CMSS1: variants seen among roughly 807,000 people sequenced by gnomAD.
CMSS1 encodes cms1 ribosomal small subunit homolog.
CMSS1 carries 33 observed loss-of-function variants against 43.5 expected under a neutral mutation model. The observed-to-expected ratio is 0.76, with a 90% confidence interval of 0.57 to 1.01. The LOEUF is 1.01. CMSS1 is among the 50% of genes least tolerant of loss of function. The pLI, the probability that CMSS1 is intolerant of heterozygous loss-of-function variation, is 0.00. For missense variants in CMSS1, 313 were observed against 326.4 expected, an observed-to-expected ratio of 0.96 and a Z score of 0.32; for synonymous variants, 115 against 117.2, an observed-to-expected ratio of 0.98 and a Z score of 0.12.
rs551943817 is a variant in CMSS1, at chr3:99,961,489, A to G, written c.64+143446A>G. 1.8e-4 allele frequency among the ~76,000 whole-genome samples: 27 copies of G among 152,270 alleles called. No individual in the cohort carries two copies. The South Asian group carries it at 3.7e-3, about 21-fold the overall frequency. On this transcript the variant is annotated intron_variant, in intron 1 of 9. Coordinates refer to ENST00000421999, the MANE Select transcript of CMSS1 (RefSeq NM_032359.4). Reference sequence around the variant, plus strand: ...CAGAATCTTAACTTTGCAAGGAGACAGGCATTATGTAGTTCATTTTGCCAG... The same window carrying G: ...CAGAATCTTAACTTTGCAAGGAGACGGGCATTATGTAGTTCATTTTGCCAG...
At chr3:99,824,460 TTTTG>T (rs1319382448) in intron 1 of CMSS1, among the ~76,000 whole-genome samples, 1 of 152,240 alleles carries the variant, frequency 6.6e-6, no homozygotes, top group Admixed American at 6.5e-5. Flanking sequence ...TGAGCAGGTA[TTTTG>T]TTTGTCTTGT....
At chr3:99,954,225 A>G (rs1408369324) in intron 1 of CMSS1, among the ~76,000 whole-genome samples, 1 of 152,242 alleles carries the variant, frequency 6.6e-6, no homozygotes, top group Non-Finnish European at 1.5e-5. Flanking sequence ...TCACATAGCT[A>G]AGAAATAGTA....
Position 100,025,807 on chromosome 3 carries a change from G to A in CMSS1, c.65-121166G>A, listed in dbSNP as rs114416525. ...GAGTTTGAGAAGCTCTGCTGTAGTC[G>A]ACCTCCATTTTTTGTTGGTAAGCCC... On this transcript the variant is annotated intron_variant, in intron 1 of 9. Transcript: ENST00000421999. Among the ~76,000 whole-genome samples, 1,089 of 152,156 alleles carry A rather than the reference G, an allele frequency of 7.2e-3. 10 individuals are homozygous for A. Among genetic ancestry groups the A allele is most frequent in the Non-Finnish European group, 0.012 (824 of 68,004 alleles).
intron 1 of CMSS1, among the ~76,000 whole-genome samples, chr3:99,991,702 G>C (rs1709515354): frequency 1.3e-5 from 2 of 151,838 alleles, no homozygotes; most frequent in Admixed American, 6.6e-5. Context: ...AGAACATGCT[G>C]TATTTGACTG....
chr3:99,817,995 G>A lies in CMSS1; in HGVS notation c.16G>A (p.Gly6Arg). The A allele has an allele frequency of 6.2e-7, 1 of 1,614,026 alleles. No individual in the cohort carries two copies. ...CTGAGCTGAAATGGCAGACGATCTC[G>A]GAGACGAGTGGTGGGAGAACCAGCC... MADDL[G>R]DEWWENQPTG... The change falls in exon 1 of 10, where the codon GGA becomes AGA. Residue 6 changes from glycine to arginine, a missense_variant. Transcript: ENST00000421999.
chr3:99,914,835 T>G (rs976702449), intron 1 of CMSS1, among the ~76,000 whole-genome samples: 1 of 152,236 alleles, frequency 6.6e-6, no homozygotes, highest in Non-Finnish European at 1.5e-5. Context: ...GAGAATTTGC[T>G]AAATAAGTTG....
intron 1 of CMSS1, among the ~76,000 whole-genome samples, chr3:100,013,995 C>T (rs567178450): frequency 6.6e-6 from 1 of 152,166 alleles, no homozygotes; most frequent in African/African-American, 2.4e-5. Flanking sequence ...CCCCTTGCTC[C>T]TGGCAACTGC....
chr3:99,993,058 T>G (rs1249515875), intron 1 of CMSS1, among the ~76,000 whole-genome samples: 1 of 152,048 alleles, frequency 6.6e-6, no homozygotes, highest in Non-Finnish European at 1.5e-5. Context: ...GTTATTTTGG[T>G]TGCTATAGTC....
chr3:100,115,082 T>A, intron 1 of CMSS1: 1 of 930,506 alleles, frequency 1.1e-6, no homozygotes, highest in Non-Finnish European at 1.7e-6. Context: ...TGCTAAAATT[T>A]GAAGCATCTA....
chr3:100,147,902 A>G (rs1576104547), intron 2 of CMSS1, among the ~76,000 whole-genome samples: 1 of 152,244 alleles, frequency 6.6e-6, no homozygotes, highest in Non-Finnish European at 1.5e-5. Flanking sequence ...TGCCTTTTTA[A>G]TCTTCCTACT....
At chr3:99,912,451 A>G (rs1176983636) in intron 1 of CMSS1, among the ~76,000 whole-genome samples, 2 of 152,066 alleles carry the variant, frequency 1.3e-5, no homozygotes, top group Admixed American at 1.3e-4. Context: ...ATCTCGGCTT[A>G]CTGCAGCCTT....
chr3:100,136,698 T>C (rs2066755603), intron 1 of CMSS1, among the ~76,000 whole-genome samples: 1 of 152,118 alleles, frequency 6.6e-6, no homozygotes, highest in African/African-American at 2.4e-5. Flanking sequence ...GAGATTTTGA[T>C]GGAAAAGGAA....
At chr3:100,109,564 T>G (rs1171202621) in intron 1 of CMSS1, among the ~76,000 whole-genome samples, 2 of 152,176 alleles carry the variant, frequency 1.3e-5, no homozygotes, top group Non-Finnish European at 2.9e-5. Context: ...CACAATGTTG[T>G]ATAAATGAAC....
chr3:99,877,891 A>G (rs973885608), intron 1 of CMSS1, among the ~76,000 whole-genome samples: 1 of 152,208 alleles, frequency 6.6e-6, no homozygotes, highest in African/African-American at 2.4e-5. Context: ...CTTGTTTTGC[A>G]TCTTTTTCCC....
chr3:100,177,250 G>C (rs766771290), intron 9 of CMSS1, among the ~76,000 whole-genome samples: 13 of 152,120 alleles, frequency 8.5e-5, no homozygotes, highest in Non-Finnish European at 1.9e-4. Flanking sequence ...CATCAGTTCA[G>C]GTTAAAAAAC....
intron 1 of CMSS1, among the ~76,000 whole-genome samples, chr3:99,918,168 G>A (rs1292197363): frequency 6.6e-6 from 1 of 151,994 alleles, no homozygotes; most frequent in East Asian, 1.9e-4. Flanking sequence ...AGTAGAGACA[G>A]GGTTTCACCA....
chr3:99,981,625 G>T (rs1428573985), intron 1 of CMSS1, among the ~76,000 whole-genome samples: 1 of 152,122 alleles, frequency 6.6e-6, no homozygotes, highest in African/African-American at 2.4e-5. Flanking sequence ...TCCCCGTTTT[G>T]CAAGTGGAAA....
rs1179836877 is a variant in CMSS1 at position 100,160,433 on chromosome 3, A to G, written c.157A>G (p.Lys53Glu). The change falls in exon 3 of 10, where the codon AAA (lysine) becomes GAA (glutamate). Residue 53 changes from lysine to glutamate, a missense_variant. Physicochemically the swap from Lys to Glu is moderately conservative, Grantham distance 56 (BLOSUM62 1). Transcript: ENST00000421999. Reference protein sequence around the residue: ...PVPSEKTKQPKECFLIQPKER... With the variant: ...PVPSEKTKQPEECFLIQPKER... Reference sequence around the variant, plus strand: ...TCTCATTTGTATTTCTTAATAGCCTAAAGAATGTTTTTTGATACAACCAAA... The same window carrying G: ...TCTCATTTGTATTTCTTAATAGCCTGAAGAATGTTTTTTGATACAACCAAA... 2.7e-6 allele frequency: 4 copies of G among 1,470,616 alleles called. No homozygotes were observed. In the East Asian group the frequency reaches 9.1e-5, roughly 34 times the overall value. The allele number at this position is 1,470,616 out of a possible 1,614,324, so 91.1% of individuals were successfully genotyped here.
intron 1 of CMSS1, among the ~76,000 whole-genome samples, chr3:99,896,121 A>C (rs754137838): frequency 2.6e-5 from 4 of 152,168 alleles, no homozygotes; most frequent in Non-Finnish European, 4.4e-5. Flanking sequence ...AAAGGAAGTT[A>C]AGGGAAAACA....
Sources: gnomAD v4.1 joint callset for allele counts (sites outside exome capture counted in the v4.1 genomes callset) on GRCh38, gnomAD v4.1.1 for gene constraint, MANE v1.5 for transcripts, NCBI Gene and HGNC (gene_info 2026-07-23, HGNC 2026-07-21) for gene names.